HPSE2: variants seen among roughly 807,000 people sequenced by gnomAD.
The protein encoded by HPSE2 is heparanase 2 (inactive).
HPSE2 carries 38 observed loss-of-function variants against 60.5 expected under a neutral mutation model. The ratio of observed to expected loss-of-function variants is 0.63; its 90% CI spans 0.48 to 0.82. The LOEUF is 0.82. Among genes scored for constraint, HPSE2 ranks in the 40% least tolerant of loss-of-function variants. The pLI is 0.00. For missense variants in HPSE2, 713 were observed against 740.4 expected (o/e 0.96, Z 0.43); for synonymous variants, 295 against 293.2 (o/e 1.01, Z -0.06).
At chr10:99,099,605 A>G (rs2153879) in intron 3 of HPSE2, among the ~76,000 whole-genome samples, 74,702 of 152,098 alleles carry the variant, frequency 0.49, 20,803 homozygotes, top group East Asian at 0.65. Flanking sequence ...AAACCTCTGC[A>G]GATTTAAATG....
chr10:98,470,102 G>GGTGTGTGTGTGTGT (rs55762346), intron 11 of HPSE2, among the ~76,000 whole-genome samples: 11,952 of 150,274 alleles, frequency 0.08, 669 homozygotes, highest in African/African-American at 0.16. Context: ...TAGGAAGGCA[G>GGTGTGTGTGTGTGT]GTGTGTGTGT....
intron 3 of HPSE2, among the ~76,000 whole-genome samples, chr10:98,977,909 G>C (rs1033420814): frequency 1.0e-4 from 15 of 148,936 alleles, no homozygotes; most frequent in Non-Finnish European, 2.2e-4. Context: ...TAATTTTTAT[G>C]GTGTATATTT....
At chr10:99,164,016 T>C (rs754433879) in intron 2 of HPSE2, among the ~76,000 whole-genome samples, 4 of 151,806 alleles carry the variant, frequency 2.6e-5, no homozygotes, top group East Asian at 1.9e-4. Flanking sequence ...TTAATGAATA[T>C]TTTGTAGGAG....
chr10:99,267,767 G>A, the HPSE2 span, among the ~76,000 whole-genome samples: 17 of 137,852 alleles, frequency 1.2e-4, no homozygotes, highest in Admixed American at 2.3e-4. Context: ...GCAACAGAGC[G>A]AGACTCCATC....
At chr10:98,778,253 T>TGAGAGAGAGAGAGAGA (rs1589811556) in intron 3 of HPSE2, among the ~76,000 whole-genome samples, 3 of 23,964 alleles carry the variant, frequency 1.3e-4, no homozygotes, top group East Asian at 5.9e-4. Context: ...GGATGCTCAG[T>TGAGAGAGAGAGAGAGA]GAGAGAGAGA....
intron 3 of HPSE2, among the ~76,000 whole-genome samples, chr10:98,807,034 T>G (rs753615210): frequency 1.3e-5 from 2 of 152,058 alleles, no homozygotes; most frequent in Non-Finnish European, 2.9e-5. Flanking sequence ...TCCCAGCTAT[T>G]TGGGAGGCTG....
chr10:98,800,867 T>G (rs1163487241), intron 3 of HPSE2, among the ~76,000 whole-genome samples: 1 of 152,094 alleles, frequency 6.6e-6, no homozygotes, highest in East Asian at 1.9e-4. Flanking sequence ...ACTTCCAAAC[T>G]CATTCTGTGA....
intron 9 of HPSE2, among the ~76,000 whole-genome samples, chr10:98,522,266 C>T (rs546563172): frequency 6.7e-6 from 1 of 148,206 alleles, no homozygotes; most frequent in Non-Finnish European, 1.5e-5. Flanking sequence ...AAAAAAAAAA[C>T]AATAAAACAA....
At chr10:99,044,429 TA>T (rs780203879) in intron 3 of HPSE2, among the ~76,000 whole-genome samples, 2 of 152,182 alleles carry the variant, frequency 1.3e-5, no homozygotes, top group African/African-American at 2.4e-5. Flanking sequence ...CCACAGGCAC[TA>T]TAAAGCAATC....
intron 5 of HPSE2, 23 bp downstream of exon 5, chr10:98,721,634 A>G (rs780352402): frequency 2.5e-6 from 4 of 1,607,912 alleles, no homozygotes; most frequent in Non-Finnish European, 3.4e-6. Context: ...ATGTCATAAG[A>G]AAAGCTAAAT....
At chr10:98,505,087 T>C (rs10160114) in intron 9 of HPSE2, among the ~76,000 whole-genome samples, 10,612 of 152,270 alleles carry the variant, frequency 0.07, 422 homozygotes, top group African/African-American at 0.1. Flanking sequence ...ACAATTTATT[T>C]ATCTATTCTC....
intron 9 of HPSE2, among the ~76,000 whole-genome samples, chr10:98,574,676 T>C (rs190886914): frequency 8.9e-6 from 1 of 112,718 alleles, no homozygotes; most frequent in African/African-American, 2.9e-5. Context: ...AGTGATTCCC[T>C]TTGTGCATTG....
rs192722519 is a variant in HPSE2, at chr10:99,177,898, G to T, written c.449-33499C>A. ...AAAACATTCCTCAGCAGATGCAAAA[G>T]AACAAAAATCATAACAAACTGTCTC... On this transcript the variant is annotated intron_variant, in intron 2 of 11. Transcript: ENST00000370552. Among the ~76,000 whole-genome samples, 97 of 152,072 alleles carry T rather than the reference G, an allele frequency of 6.4e-4. 1 individual carries two copies. In the East Asian group the frequency reaches 0.017, roughly 27 times the overall value.
At chr10:98,809,342 C>T (rs1305566996) in intron 3 of HPSE2, among the ~76,000 whole-genome samples, 2 of 151,878 alleles carry the variant, frequency 1.3e-5, no homozygotes, top group African/African-American at 2.4e-5. Context: ...AAATTTCTTC[C>T]ATAATACAAC....
At chr10:99,229,980 A>G (rs1417409135) in intron 2 of HPSE2, among the ~76,000 whole-genome samples, 1 of 152,230 alleles carries the variant, frequency 6.6e-6, no homozygotes, top group African/African-American at 2.4e-5. Context: ...ATGCAACAAC[A>G]AAGACAGTAT....
At chr10:98,742,974 C>CTTTTTTTTTT (rs35772316) in intron 4 of HPSE2, among the ~76,000 whole-genome samples, 6 of 99,768 alleles carry the variant, frequency 6.0e-5, no homozygotes, top group South Asian at 3.2e-4. Flanking sequence ...CTTTTCTTTT[C>CTTTTTTTTTT]TTTTTTTTTT....
At chr10:98,856,929 C>T (rs1343298939) in intron 3 of HPSE2, among the ~76,000 whole-genome samples, 1 of 152,164 alleles carries the variant, frequency 6.6e-6, no homozygotes, top group African/African-American at 2.4e-5. Flanking sequence ...ATCTGGCCAA[C>T]ACTCAGTGAC....
intron 3 of HPSE2, among the ~76,000 whole-genome samples, chr10:98,938,756 G>A (rs1469571444): frequency 7.0e-6 from 1 of 143,342 alleles, no homozygotes. Context: ...TACTCCTCAA[G>A]AAGAGCAACC....
chr10:98,613,142 C>A lies in HPSE2; in HGVS notation c.1320+1762G>T, dbSNP rs144819549. On this transcript the variant is annotated intron_variant, in intron 9 of 11. Transcript: ENST00000370552. ...GCACATGTACCCTGAAGGGCCCAAG[C>A]AGTGCTCTCTTATTTGTTGATTCAC... is the stretch of plus-strand genomic sequence containing the variant. Among the ~76,000 whole-genome samples the A allele has an allele frequency of 1.4e-3, 217 of 152,326 alleles. 3 individuals carry two copies. Among genetic ancestry groups the A allele is most frequent in the African/African-American group, 4.8e-3 (199 of 41,578 alleles).
Sources: allele counts gnomAD v4.1 joint callset (sites outside exome capture counted in the v4.1 genomes callset), GRCh38; gene constraint gnomAD v4.1.1; transcripts MANE v1.5; gene names NCBI Gene and HGNC (gene_info 2026-07-23, HGNC 2026-07-21).